Variants in ARAP2 observed in about 807,000 individuals in gnomAD.
ARAP2 encodes ArfGAP with RhoGAP domain, ankyrin repeat and PH domain 2, also known as arf-GAP with Rho-GAP domain, ANK repeat and PH domain-containing protein 2.
ARAP2 carries 148 observed loss-of-function variants against 194.5 expected under a neutral mutation model. The ratio of observed to expected loss-of-function variants is 0.76; its 90% CI spans 0.67 to 0.87. The LOEUF is 0.87. Ranked by LOEUF, ARAP2 falls within the 40% of genes least tolerant of loss-of-function variation. ARAP2 has a pLI of 0.00. For synonymous variants in ARAP2, 695 were observed against 683.5 expected (o/e 1.02, Z -0.26); for missense variants, 2,128 against 1,989.7 (o/e 1.07, Z -1.32).
At chr4:36,112,405 G>A (rs1720228426) in intron 26 of ARAP2, among the ~76,000 whole-genome samples, 1 of 151,900 alleles carries the variant, frequency 6.6e-6, no homozygotes, top group Non-Finnish European at 1.5e-5. Flanking sequence ...CACTTAGACT[G>A]TGAAGGATAA....
chr4:36,220,862 TATA>T (rs1748991371), intron 2 of ARAP2, among the ~76,000 whole-genome samples: 1 of 152,114 alleles, frequency 6.6e-6, no homozygotes, highest in African/African-American at 2.4e-5. Context: ...ATTAAAAAGT[TATA>T]ATAAGCTAGG....
intron 9 of ARAP2, among the ~76,000 whole-genome samples, chr4:36,011,721 T>G (rs891950221): frequency 1.3e-4 from 20 of 152,182 alleles, no homozygotes; most frequent in African/African-American, 4.6e-4. Flanking sequence ...CATTATTCTT[T>G]AAATCATACA....
chr4:36,045,140 T>A (rs1721590675), intron 5 of ARAP2, among the ~76,000 whole-genome samples: 1 of 152,092 alleles, frequency 6.6e-6, no homozygotes, highest in South Asian at 2.1e-4. Context: ...GGAGTTTCCT[T>A]AAAAAACTAT....
At chr4:36,032,606 G>A (rs1341586915) in intron 5 of ARAP2, among the ~76,000 whole-genome samples, 1 of 152,086 alleles carries the variant, frequency 6.6e-6, no homozygotes, top group Non-Finnish European at 1.5e-5. Context: ...TTTATTTTAA[G>A]ATTATAAAAT....
intron 27 of ARAP2, among the ~76,000 whole-genome samples, chr4:36,098,881 C>A (rs1560425852): frequency 1.3e-5 from 2 of 151,940 alleles, no homozygotes; most frequent in Non-Finnish European, 2.9e-5. Context: ...TAATTTAACT[C>A]TTTTTTTTAT....
At chr4:36,014,372 A>AAGAAAGAAAGAAAG (rs1553862095) in intron 8 of ARAP2, among the ~76,000 whole-genome samples, 12 of 118,744 alleles carry the variant, frequency 1.0e-4, no homozygotes, top group African/African-American at 4.1e-4. Flanking sequence ...GAAAGAAAGA[A>AAGAAAGAAAGAAAG]AGAAAGAAAG....
chr4:36,047,565 C>T (rs1722031866), intron 3 of ARAP2, among the ~76,000 whole-genome samples: 1 of 152,058 alleles, frequency 6.6e-6, no homozygotes, highest in South Asian at 2.1e-4. Context: ...TATCAGAAAC[C>T]CCAATTCTAT....
At position 36,228,946 on chromosome 4, in the gene ARAP2, A is replaced by G. The variant is rs144630945; in HGVS notation, c.541T>C (p.Leu181=). The G allele has an allele frequency of 1.9e-6, 3 of 1,613,924 alleles. No homozygotes were observed. The highest frequency in any genetic ancestry group is 2.7e-5 in the African/African-American group (2 of 74,918). Residue 181 remains leucine (L), a synonymous_variant, in exon 2 of 33, where the codon TTG becomes CTG. Transcript: ENST00000303965. ...FGSDNIKIES[L]ITKKTVDHTV... ...TGATCCACAGTCTTCTTTGTAATCA[A>G]TGATTCTATTTTAATATTGTCACTA... is the stretch of plus-strand genomic sequence containing the variant.
chr4:36,190,563 T>G (rs1741642985), intron 7 of ARAP2, among the ~76,000 whole-genome samples: 1 of 152,228 alleles, frequency 6.6e-6, no homozygotes, highest in Admixed American at 6.5e-5. Flanking sequence ...TACATTAGTC[T>G]ACATGATAAT....
chr4:36,057,386 A>G (rs2109266216), intron 2 of ARAP2, among the ~76,000 whole-genome samples: 1 of 151,750 alleles, frequency 6.6e-6, no homozygotes, highest in Admixed American at 6.6e-5. Flanking sequence ...AGTTCGGCTA[A>G]CATATTGAAT....
At chr4:36,043,831 G>GGCAAGGGAACGGAAGGGA (rs1560311515) in intron 5 of ARAP2, among the ~76,000 whole-genome samples, 1 of 14,024 alleles carries the variant, frequency 7.1e-5, no homozygotes, top group African/African-American at 2.2e-4. Context: ...AAGGGAAGGG[G>GGCAAGGGAACGGAAGGGA]AGGGGAGGGG....
In ARAP2 at chr4:36,066,824, C is replaced by T. The variant is rs142115942; in HGVS notation, c.*1083G>A. The T allele has an allele frequency of 9.2e-5, 14 of 152,204 alleles. 1 individual carries two copies. The highest frequency in any genetic ancestry group is 3.4e-3 in the Middle Eastern group (1 of 294). 9.4% of individuals were successfully genotyped at this position (152,204 alleles called of 1,614,324 possible). A position where few individuals can be genotyped will look rare whatever the true frequency, so the allele number is the denominator to read the frequency against. ...AAAAAAAAACCTAGATTAAATGTGA[C>T]CAGGTAGCCCCCAAATGTATAGTAA... On this transcript the variant is annotated 3_prime_UTR_variant, in exon 33 of 33. Coordinates refer to ENST00000303965, the MANE Select transcript of ARAP2 (RefSeq NM_015230.4).
At chr4:36,016,168 A>G (rs1265403215) in intron 6 of ARAP2, among the ~76,000 whole-genome samples, 1 of 152,230 alleles carries the variant, frequency 6.6e-6, no homozygotes, top group Non-Finnish European at 1.5e-5. Context: ...TGGAAATTAA[A>G]ATCTCTAATG....
intron 5 of ARAP2, among the ~76,000 whole-genome samples, chr4:36,043,044 T>G (rs1034817209): frequency 1.3e-5 from 2 of 152,148 alleles, no homozygotes; most frequent in Admixed American, 6.5e-5. Context: ...GGTTTCTCCA[T>G]GTTGGCCAGG....
intron 3 of ARAP2, among the ~76,000 whole-genome samples, chr4:36,049,375 G>C (rs1193981335): frequency 2.0e-5 from 3 of 152,090 alleles, no homozygotes; most frequent in African/African-American, 7.2e-5. Flanking sequence ...CTCTACAGCA[G>C]GTGGCAAAAC....
intron 3 of ARAP2, among the ~76,000 whole-genome samples, chr4:36,048,767 G>A (rs750415235): frequency 6.6e-6 from 1 of 151,942 alleles, no homozygotes; most frequent in East Asian, 1.9e-4. Context: ...TAAGTTTTTC[G>A]AGAAATATCC....
intron 19 of ARAP2, among the ~76,000 whole-genome samples, chr4:36,133,669 C>A (rs1297172073): frequency 1.3e-5 from 2 of 151,712 alleles, no homozygotes; most frequent in African/African-American, 4.8e-5. Flanking sequence ...TGGCTATCAC[C>A]TGTGACTTCT....
downstream of ARAP2, among the ~76,000 whole-genome samples, chr4:36,062,226 C>T (rs116724419): frequency 5.7e-3 from 872 of 152,200 alleles, 9 homozygotes; most frequent in African/African-American, 0.02. Flanking sequence ...TTGCCCAGCC[C>T]GTTGTCCTAA....
At chr4:36,144,428 A>C (rs923026440) in intron 19 of ARAP2, among the ~76,000 whole-genome samples, 1 of 151,866 alleles carries the variant, frequency 6.6e-6, no homozygotes. Flanking sequence ...ATAATTCCTC[A>C]TTATTTCTGG....
Sources: gnomAD v4.1 joint callset for allele counts (sites outside exome capture counted in the v4.1 genomes callset) on GRCh38, gnomAD v4.1.1 for gene constraint, MANE v1.5 for transcripts, NCBI Gene and HGNC (gene_info 2026-07-23, HGNC 2026-07-21) for gene names.